The following SLC4A7 variants were observed in gnomAD, a reference collection of about 807,000 sequenced individuals.
The protein encoded by SLC4A7 is solute carrier family 4 member 7, also known as sodium bicarbonate cotransporter 3.
A neutral mutation model predicts 137.6 loss-of-function variants in SLC4A7; 51 were observed. That is an observed-to-expected ratio of 0.37 (90% confidence interval 0.30 to 0.47). SLC4A7 has a LOEUF of 0.47. Among genes scored for constraint, SLC4A7 ranks in the 20% least tolerant of loss-of-function variants. SLC4A7 has a pLI of 1.00. For synonymous variants in SLC4A7, 542 were observed against 518.6 expected, an observed-to-expected ratio of 1.05 and a Z score of -0.61; for missense variants, 1,247 against 1,525.4, an observed-to-expected ratio of 0.82 and a Z score of 3.04.
At chr3:27,466,481 A>G (rs1257809719) in intron 1 of SLC4A7, among the ~76,000 whole-genome samples, 2 of 145,822 alleles carry the variant, frequency 1.4e-5, no homozygotes, top group East Asian at 3.9e-4. Context: ...AAGGGGGTAC[A>G]TTAAGGTGCA....
chr3:27,401,230 C>A (rs908996829), intron 15 of SLC4A7, among the ~76,000 whole-genome samples: 10 of 152,172 alleles, frequency 6.6e-5, no homozygotes, highest in African/African-American at 1.9e-4. Context: ...CCTCCACTCC[C>A]CCATAGCACA....
rs778849270 is a variant in SLC4A7 at position 27,395,019 on chromosome 3, T to C, written c.2800A>G (p.Ile934Val). ...IAAIPALLCT[I>V]LIFMDQQITA... ...ATTTGTTGATCCATAAAGATGAGAA[T>C]GGTACAAAGCAAAGCAGGAATAGCA... Residue 934 changes from isoleucine to valine, a missense_variant, in exon 19 of 26, where the codon ATT becomes GTT. Transcript: ENST00000454389. 2 of 1,611,628 alleles carry C rather than the reference T, an allele frequency of 1.2e-6. No homozygotes were observed. The highest frequency in any genetic ancestry group is 2.2e-5 in the East Asian group (1 of 44,860).
chr3:27,379,397 G>A, intron 24 of SLC4A7, 41 bp from the exon 25 acceptor site: 1 of 996,112 alleles, frequency 1.0e-6, no homozygotes, highest in Non-Finnish European at 1.5e-6. Flanking sequence ...TTCAGTACTT[G>A]CAAAAGCATT....
intron 3 of SLC4A7, among the ~76,000 whole-genome samples, chr3:27,446,885 G>GTTTTTTTTTTTTTTTTTTTT (rs796773901): frequency 2.8e-5 from 1 of 35,770 alleles, no homozygotes; most frequent in Non-Finnish European, 7.2e-5. Context: ...GTTTTTTTTT[G>GTTTTTTTTTTTTTTTTTTTT]TTTTTTTTGT....
At chr3:27,407,882 G>T (rs1326102260) in intron 13 of SLC4A7, among the ~76,000 whole-genome samples, 5 of 151,532 alleles carry the variant, frequency 3.3e-5, no homozygotes, top group African/African-American at 9.7e-5. Context: ...CTATATAAAC[G>T]ATTCCCAATC....
At chr3:27,406,108 G>A (rs2053319949) in intron 13 of SLC4A7, among the ~76,000 whole-genome samples, 1 of 152,188 alleles carries the variant, frequency 6.6e-6, no homozygotes, top group Non-Finnish European at 1.5e-5. Context: ...GAGAGGCAGC[G>A]CAGCAACAGG....
intron 20 of SLC4A7, 123 bp downstream of exon 20, chr3:27,394,395 A>G: frequency 1.2e-6 from 1 of 842,896 alleles, no homozygotes; most frequent in Non-Finnish European, 1.9e-6. Flanking sequence ...TTATTTCCCA[A>G]GTAAACTGTG....
At chr3:27,380,100 A>G (rs1214128354) in intron 24 of SLC4A7, among the ~76,000 whole-genome samples, 1 of 152,194 alleles carries the variant, frequency 6.6e-6, no homozygotes, top group Non-Finnish European at 1.5e-5. Context: ...CGAGGTCAGG[A>G]GTTCGAGACC....
At chr3:27,430,659 T>C (rs1421040886) in intron 7 of SLC4A7, among the ~76,000 whole-genome samples, 2 of 147,678 alleles carry the variant, frequency 1.4e-5, no homozygotes, top group African/African-American at 5.0e-5. Flanking sequence ...TGAAAACATG[T>C]CTCCACAAAA....
At chr3:27,387,833 C>T (rs2051127705) in intron 22 of SLC4A7, among the ~76,000 whole-genome samples, 2 of 152,292 alleles carry the variant, frequency 1.3e-5, no homozygotes, top group Middle Eastern at 3.4e-3. Flanking sequence ...GAGGAAGAGA[C>T]AAGGCAGGAT....
chr3:27,448,687 ATTCT>A lies in SLC4A7; in HGVS notation c.249_252del (p.Lys83AsnfsTer62), dbSNP rs1559796720. The A allele has an allele frequency of 1.2e-6, 2 of 1,613,010 alleles. No individual in the cohort carries two copies. Among genetic ancestry groups the A allele is most frequent in the South Asian group, 2.2e-5 (2 of 91,026 alleles). On this transcript the variant is annotated frameshift_variant, in exon 3 of 26. Coordinates refer to ENST00000454389, the MANE Select transcript of SLC4A7 (RefSeq NM_001321103.2). LOFTEE classifies it high-confidence loss of function. ...GATTCCCGTCCATCTTCTTTATCTG[ATTCT>A]TTATCTTTTCTTCTCCGGTGGTGAT... is the stretch of plus-strand genomic sequence containing the variant.
At chr3:27,456,893 C>A (rs2058444354) in intron 1 of SLC4A7, 1 of 1,356,858 alleles carries the variant, frequency 7.4e-7, no homozygotes, top group Admixed American at 3.5e-5. Context: ...CACAGCATAA[C>A]AGATTTGGAA....
intron 1 of SLC4A7, chr3:27,456,648 T>C: frequency 2.5e-6 from 4 of 1,573,906 alleles, no homozygotes; most frequent in Non-Finnish European, 3.5e-6. Context: ...ATTAGGTACA[T>C]ACAGGTAACT....
chr3:27,457,575 T>C (rs2058476047), intron 1 of SLC4A7, among the ~76,000 whole-genome samples: 2 of 152,180 alleles, frequency 1.3e-5, no homozygotes, highest in South Asian at 4.1e-4. Context: ...TGTTTCTTAA[T>C]AGTTGCAACG....
intron 23 of SLC4A7, among the ~76,000 whole-genome samples, chr3:27,385,136 C>T (rs80137283): frequency 0.13 from 19,418 of 152,086 alleles, 1,225 homozygotes; most frequent in Middle Eastern, 0.19. Context: ...CAGGACCATA[C>T]ATTTAAAAAT....
chr3:27,445,950 AAAAAAAAAAAAAAAT>A (rs2057571676), intron 3 of SLC4A7, among the ~76,000 whole-genome samples: 1 of 30,770 alleles, frequency 3.2e-5, no homozygotes, highest in African/African-American at 1.0e-4. Flanking sequence ...AAAAAAAAAA[AAAAAAAAAAAAAAAT>A]ATATATATAT....
At chr3:27,445,763 C>CAAAAA (rs71087607) in intron 3 of SLC4A7, among the ~76,000 whole-genome samples, 1 of 99,640 alleles carries the variant, frequency 1.0e-5, no homozygotes. Flanking sequence ...ACTAAAAATA[C>CAAAAA]AAAAAAAAAA....
intron 5 of SLC4A7, 75 bp downstream of exon 5, chr3:27,436,313 A>G (rs2056736757): frequency 9.0e-7 from 1 of 1,108,214 alleles, no homozygotes; most frequent in Admixed American, 2.1e-5. Flanking sequence ...ATAGAAGCTC[A>G]GCATATAGTT....
intron 13 of SLC4A7, among the ~76,000 whole-genome samples, chr3:27,406,238 G>A (rs1267659456): frequency 6.6e-6 from 1 of 152,180 alleles, no homozygotes; most frequent in Non-Finnish European, 1.5e-5. Context: ...AAATGGCGGT[G>A]ATGATAACTA....
Sources: allele counts gnomAD v4.1 joint callset (sites outside exome capture counted in the v4.1 genomes callset), GRCh38; gene constraint gnomAD v4.1.1; transcripts MANE v1.5; gene names NCBI Gene and HGNC (gene_info 2026-07-23, HGNC 2026-07-21).